The following HIVEP3 variants were observed in gnomAD, a reference collection of about 807,000 sequenced individuals.
HIVEP3 encodes the protein transcription factor HIVEP3.
Under a neutral mutation model 152.8 loss-of-function variants are expected in HIVEP3, and 49 were observed. The ratio of observed to expected loss-of-function variants is 0.32; its 90% CI spans 0.26 to 0.41. The LOEUF is 0.41. HIVEP3 is among the 10% of genes least tolerant of loss of function. HIVEP3 has a pLI of 1.00. For missense variants in HIVEP3, 2,790 were observed against 3,103.3 expected, an observed-to-expected ratio of 0.90 and a Z score of 2.40; for synonymous variants, 1,269 against 1,289.0, an observed-to-expected ratio of 0.98 and a Z score of 0.33.
intron 1 of HIVEP3, among the ~76,000 whole-genome samples, chr1:42,002,182 C>T (rs1344326768): frequency 2.0e-5 from 3 of 152,130 alleles, no homozygotes; most frequent in East Asian, 3.9e-4. Flanking sequence ...GACTCGCTGA[C>T]GCAGAGGACA....
intron 1 of HIVEP3, among the ~76,000 whole-genome samples, chr1:41,952,079 A>T (rs543960179): frequency 6.6e-6 from 1 of 152,188 alleles, no homozygotes; most frequent in Non-Finnish European, 1.5e-5. Flanking sequence ...CCCTTCCATA[A>T]AGCAGCAGCT....
At chr1:41,721,830 C>A (rs1309586276) in intron 1 of HIVEP3, among the ~76,000 whole-genome samples, 2 of 152,182 alleles carry the variant, frequency 1.3e-5, no homozygotes, top group Non-Finnish European at 2.9e-5. Flanking sequence ...GTGCTCCTAA[C>A]CCCACACGGT....
At chr1:41,964,028 G>T (rs563378298) in intron 1 of HIVEP3, among the ~76,000 whole-genome samples, 2 of 152,152 alleles carry the variant, frequency 1.3e-5, no homozygotes, top group Non-Finnish European at 2.9e-5. Context: ...CCTTCCTAAC[G>T]CCCAGTCGTT....
chr1:41,551,201 CATCCTTGCGTCCCAGGGATG>C (rs926273162), intron 5 of HIVEP3, among the ~76,000 whole-genome samples: 1 of 152,194 alleles, frequency 6.6e-6, no homozygotes, highest in Non-Finnish European at 1.5e-5. Context: ...TATGTTGAAC[CATCCTTGCGTCCCAGGGATG>C]AAGCCACGTT....
chr1:41,753,529 G>A (rs1647199799), intron 1 of HIVEP3, among the ~76,000 whole-genome samples: 1 of 152,038 alleles, frequency 6.6e-6, no homozygotes, highest in Non-Finnish European at 1.5e-5. Flanking sequence ...TTATCCGGGT[G>A]TGGTGGCATG....
At chr1:41,638,681 G>A (rs1645325288) in intron 2 of HIVEP3, among the ~76,000 whole-genome samples, 1 of 152,250 alleles carries the variant, frequency 6.6e-6, no homozygotes. Flanking sequence ...AGGGCAGGAA[G>A]GACCAGGGCC....
rs1444453904 is a variant in HIVEP3 at position 41,885,759 on chromosome 1, CTTCCA to C, written c.-801+32649_-801+32653del. 8.2e-5 allele frequency among the ~76,000 whole-genome samples: 12 copies of C among 146,732 alleles called. No homozygotes were observed. The South Asian group carries it at 1.1e-3, about 13-fold the overall frequency. On this transcript the variant is annotated intron_variant, in intron 1 of 8. Coordinates refer to ENST00000372583, the MANE Select transcript of HIVEP3 (RefSeq NM_024503.5). ...TCTTCCCCTTTCCCTTCCCCCTTCC[CTTCCA>C]TTCCCTTCCTTTCCTTTCATTCCCT...
intron 1 of HIVEP3, among the ~76,000 whole-genome samples, chr1:41,933,319 T>A (rs936512034): frequency 4.6e-5 from 7 of 152,094 alleles, no homozygotes; most frequent in Non-Finnish European, 8.8e-5. Flanking sequence ...TCTATCAGCT[T>A]TTGCATCATG....
At chr1:41,792,501 T>G (rs2365841) in intron 1 of HIVEP3, among the ~76,000 whole-genome samples, 56,642 of 152,088 alleles carry the variant, frequency 0.37, 11,199 homozygotes, top group Middle Eastern at 0.46. Context: ...CTGCCATACT[T>G]AGCAGGCACT....
At chr1:41,721,919 A>G (rs182893853) in intron 1 of HIVEP3, among the ~76,000 whole-genome samples, 166 of 152,180 alleles carry the variant, frequency 1.1e-3, no homozygotes, top group African/African-American at 3.9e-3. Context: ...AGCGTGATCC[A>G]CTCCATCAGA....
intron 1 of HIVEP3, among the ~76,000 whole-genome samples, chr1:41,863,921 C>T (rs934637582): frequency 6.6e-6 from 1 of 152,174 alleles, no homozygotes; most frequent in Non-Finnish European, 1.5e-5. Context: ...TTAAGAAGGG[C>T]CGCAACTATT....
At chr1:41,661,522 C>T (rs913231920) in intron 2 of HIVEP3, among the ~76,000 whole-genome samples, 1 of 152,234 alleles carries the variant, frequency 6.6e-6, no homozygotes, top group African/African-American at 2.4e-5. Flanking sequence ...AGGTACAACC[C>T]GCTAGGATGT....
At position 41,662,956 on chromosome 1, in the gene HIVEP3, G is replaced by A. The variant is rs1033024560; in HGVS notation, c.-720-34009C>T. Reference sequence around the variant, plus strand: ...GAATCCGCTTTAATGAGCTCTGGGCGGGGCGGGCCTGCCAGGGCCTCCCTG... The same window carrying A: ...GAATCCGCTTTAATGAGCTCTGGGCAGGGCGGGCCTGCCAGGGCCTCCCTG... On this transcript the variant is annotated intron_variant, in intron 2 of 8. Coordinates refer to ENST00000372583, the MANE Select transcript of HIVEP3 (RefSeq NM_024503.5). This position sits in a 1 kb window ranked among gnomAD's most constrained non-coding sequence, Gnocchi z 7.2. 3.9e-5 allele frequency among the ~76,000 whole-genome samples: 6 copies of A among 152,200 alleles called. No individual in the cohort carries two copies. The highest frequency in any genetic ancestry group is 7.4e-5 in the Non-Finnish European group (5 of 68,010).
intron 1 of HIVEP3, among the ~76,000 whole-genome samples, chr1:42,002,971 C>T (rs1443038825): frequency 6.6e-6 from 1 of 152,170 alleles, no homozygotes; most frequent in Non-Finnish European, 1.5e-5. Context: ...TTATTAGCAT[C>T]ATTCAGTATT....
intron 3 of HIVEP3, among the ~76,000 whole-genome samples, chr1:41,586,027 C>T (rs1307050100): frequency 6.6e-6 from 1 of 152,218 alleles, no homozygotes; most frequent in Non-Finnish European, 1.5e-5. Flanking sequence ...CCTGTGAGAA[C>T]TTACAATCTG....
At chr1:41,593,215 A>C (rs778202658) in intron 3 of HIVEP3, among the ~76,000 whole-genome samples, 1 of 152,122 alleles carries the variant, frequency 6.6e-6, no homozygotes, top group Non-Finnish European at 1.5e-5. Context: ...CTTTCCCCTG[A>C]ATCTCCCTGT....
At chr1:41,942,535 C>G (rs1042312274) in intron 1 of HIVEP3, among the ~76,000 whole-genome samples, 2 of 152,184 alleles carry the variant, frequency 1.3e-5, no homozygotes, top group African/African-American at 2.4e-5. Flanking sequence ...GTGGTATAAC[C>G]CCTATGGAAC....
At chr1:41,556,367 C>T (rs116322108) in intron 5 of HIVEP3, among the ~76,000 whole-genome samples, 3,401 of 152,278 alleles carry the variant, frequency 0.022, 125 homozygotes, top group African/African-American at 0.078. Flanking sequence ...TTTTATTTCC[C>T]TCATGATTAG....
chr1:41,725,437 A>T (rs941450263), intron 1 of HIVEP3, among the ~76,000 whole-genome samples: 1 of 152,238 alleles, frequency 6.6e-6, no homozygotes, highest in African/African-American at 2.4e-5. Context: ...TCAATCTTCA[A>T]GGGCATGTGC....
Sources: gnomAD v4.1 joint callset for allele counts (sites outside exome capture counted in the v4.1 genomes callset) on GRCh38, gnomAD v4.1.1 for gene constraint, Gnocchi (gnomAD v3.1) non-coding constraint, MANE v1.5 for transcripts, NCBI Gene and HGNC (gene_info 2026-07-23, HGNC 2026-07-21) for gene names.